The following WDPCP variants were observed in gnomAD, a reference collection of about 807,000 sequenced individuals.
WDPCP encodes WD repeat containing planar cell polarity effector, also known as WD repeat-containing and planar cell polarity effector protein fritz homolog.
Under a neutral mutation model 93.1 loss-of-function variants are expected in WDPCP, and 71 were observed. That is an observed-to-expected ratio of 0.76 (90% CI 0.63 to 0.93). The LOEUF is 0.93. Among genes scored for constraint, WDPCP ranks in the 40% least tolerant of loss-of-function variants. WDPCP has a pLI of 0.00. For synonymous variants in WDPCP, 315 were observed against 315.0 expected (o/e 1.00, Z 0.00); for missense variants, 844 against 887.4 (o/e 0.95, Z 0.62).
chr2:63,392,801 G>T (rs890135562), intron 10 of WDPCP, among the ~76,000 whole-genome samples: 1 of 150,156 alleles, frequency 6.7e-6, no homozygotes, highest in African/African-American at 2.4e-5. Flanking sequence ...CATCATCACT[G>T]GTCATCAGAG....
chr2:63,338,614 A>C (rs1189354369), intron 12 of WDPCP, among the ~76,000 whole-genome samples: 1 of 132,652 alleles, frequency 7.5e-6, no homozygotes, highest in Non-Finnish European at 1.6e-5. Flanking sequence ...ATATATATAT[A>C]TATGGATAAT....
intron 2 of WDPCP, among the ~76,000 whole-genome samples, chr2:63,491,723 T>A (rs1288726542): frequency 6.6e-6 from 1 of 152,220 alleles, no homozygotes; most frequent in Admixed American, 6.5e-5. Context: ...TCACAACTTT[T>A]TCTGCAAACT....
At chr2:63,538,107 A>T (rs1200993718) in intron 1 of WDPCP, among the ~76,000 whole-genome samples, 1 of 152,172 alleles carries the variant, frequency 6.6e-6, no homozygotes, top group East Asian at 1.9e-4. Flanking sequence ...TTTAAAGAAC[A>T]TTATGTACAA....
intron 2 of WDPCP, among the ~76,000 whole-genome samples, chr2:63,712,571 C>T (rs1429857609): frequency 1.3e-5 from 2 of 152,144 alleles, no homozygotes; most frequent in African/African-American, 2.4e-5. Context: ...ACTACATCTT[C>T]CTGAATATGT....
chr2:63,216,150 A>G (rs62177779), intron 14 of WDPCP, among the ~76,000 whole-genome samples: 58,664 of 152,006 alleles, frequency 0.39, 13,068 homozygotes, highest in Non-Finnish European at 0.5. Flanking sequence ...TCAGTGTGGC[A>G]ATTCCTCAAG....
chr2:63,530,866 A>G (rs2106233606), intron 1 of WDPCP, among the ~76,000 whole-genome samples: 1 of 90,636 alleles, frequency 1.1e-5, no homozygotes, highest in Non-Finnish European at 2.2e-5. Context: ...TAGCCCACAC[A>G]GTGTGAGCCA....
At chr2:63,405,763 T>A (rs1694529512) in intron 9 of WDPCP, among the ~76,000 whole-genome samples, 1 of 152,056 alleles carries the variant, frequency 6.6e-6, no homozygotes, top group Admixed American at 6.6e-5. Flanking sequence ...GGCCATTCAC[T>A]TTATTCATAT....
At chr2:63,156,092 C>T (rs1316704368) in intron 15 of WDPCP, among the ~76,000 whole-genome samples, 3 of 152,072 alleles carry the variant, frequency 2.0e-5, no homozygotes, top group African/African-American at 4.8e-5. Context: ...CTCCGCCCCC[C>T]GGATTCCAGC....
intron 10 of WDPCP, among the ~76,000 whole-genome samples, chr2:63,399,914 C>G (rs1456614739): frequency 2.6e-5 from 4 of 152,094 alleles, no homozygotes; most frequent in African/African-American, 9.6e-5. Flanking sequence ...TAAATCAAAT[C>G]ATGTTCACTA....
At chr2:63,251,610 G>A (rs1443028609) in intron 14 of WDPCP, among the ~76,000 whole-genome samples, 1 of 148,404 alleles carries the variant, frequency 6.7e-6, no homozygotes, top group Non-Finnish European at 1.5e-5. Context: ...TCCTGCCTCA[G>A]CCTCCCAGGT....
At chr2:63,410,179 A>G (rs940716237) in intron 9 of WDPCP, among the ~76,000 whole-genome samples, 2 of 152,188 alleles carry the variant, frequency 1.3e-5, no homozygotes, top group Non-Finnish European at 2.9e-5. Flanking sequence ...CTCAGCAGAA[A>G]CCCTACAAGC....
intron 2 of WDPCP, among the ~76,000 whole-genome samples, chr2:63,693,800 T>C (rs1461665931): frequency 6.6e-6 from 1 of 152,222 alleles, no homozygotes; most frequent in Non-Finnish European, 1.5e-5. Context: ...AAAGTCATTA[T>C]TGCATTTGCT....
chr2:63,717,058 G>A, intron 2 of WDPCP: 1 of 271,628 alleles, frequency 3.7e-6, no homozygotes, highest in Non-Finnish European at 7.1e-6. Flanking sequence ...GGCAGTGGTG[G>A]TTCCCATTCC....
At chr2:63,588,704 C>T (rs560462786), upstream of WDPCP, 18 of 490,640 alleles carry the variant, frequency 3.7e-5, no homozygotes, top group African/African-American at 2.5e-4. Context: ...TCAGGCAGGT[C>T]CTTTCCTCCT....
chr2:63,167,852 C>T (rs927463199), intron 15 of WDPCP, among the ~76,000 whole-genome samples: 9 of 152,086 alleles, frequency 5.9e-5, no homozygotes, highest in South Asian at 4.1e-4. Flanking sequence ...TGGTGGCTCA[C>T]GCCTATAATC....
chr2:63,159,272 T>A (rs1398501847), intron 15 of WDPCP, among the ~76,000 whole-genome samples: 1 of 152,018 alleles, frequency 6.6e-6, no homozygotes, highest in Non-Finnish European at 1.5e-5. Context: ...GTTGGTTTTT[T>A]AAAGAGATGA....
intron 12 of WDPCP, among the ~76,000 whole-genome samples, chr2:63,370,180 C>G (rs1002889126): frequency 1.3e-5 from 2 of 152,098 alleles, no homozygotes; most frequent in African/African-American, 4.8e-5. Flanking sequence ...ACCCTCATCC[C>G]TTGGCAGGAA....
chr2:63,694,716 G>T (rs1668939805), intron 2 of WDPCP, among the ~76,000 whole-genome samples: 1 of 152,082 alleles, frequency 6.6e-6, no homozygotes, highest in African/African-American at 2.4e-5. Flanking sequence ...AAATGAAATG[G>T]AATTCTGACT....
intron 13 of WDPCP, among the ~76,000 whole-genome samples, chr2:63,293,077 C>G (rs1684567606): frequency 6.6e-6 from 1 of 152,032 alleles, no homozygotes; most frequent in African/African-American, 2.4e-5. Context: ...GCACCTGACC[C>G]CTCATTGCAC....
Sources: gnomAD v4.1 joint callset for allele counts (sites outside exome capture counted in the v4.1 genomes callset) on GRCh38, gnomAD v4.1.1 for gene constraint, MANE v1.5 for transcripts, NCBI Gene and HGNC (gene_info 2026-07-23, HGNC 2026-07-21) for gene names.